ZFYVE1: variants seen among roughly 807,000 people sequenced by gnomAD.
ZFYVE1 encodes zinc finger FYVE-type containing 1.
Under a neutral mutation model 74.4 loss-of-function variants are expected in ZFYVE1, and 30 were observed. The observed-to-expected ratio is 0.40, with a 90% CI of 0.30 to 0.55. ZFYVE1 has a LOEUF of 0.55. Among genes scored for constraint, ZFYVE1 ranks in the 20% least tolerant of loss-of-function variants. The probability of loss-of-function intolerance (pLI) is 0.42; values close to 1 mark genes in which losing one functional copy is unlikely to be tolerated. For synonymous variants in ZFYVE1, 335 were observed against 385.1 expected (o/e 0.87, Z 1.52); for missense variants, 703 against 1,011.6 (o/e 0.69, Z 4.14).
chr14:73,019,388 C>T (rs1213831645), intron 2 of ZFYVE1, among the ~76,000 whole-genome samples: 1 of 150,338 alleles, frequency 6.7e-6, no homozygotes, highest in Non-Finnish European at 1.5e-5. Flanking sequence ...TCAACGCCAG[C>T]CTGGGCAACA....
Position 72,981,897 on chromosome 14 carries a change from T to C in ZFYVE1, c.1204-2A>G. 1.9e-6 allele frequency: 3 copies of C among 1,613,830 alleles called. No homozygotes were observed. The highest frequency in any genetic ancestry group is 2.5e-6 in the Non-Finnish European group (3 of 1,179,974). The stretch of plus-strand genomic sequence containing the variant: ...ACCGCTGAAGCGGTCACTTAGTGCC[T>C]GCCAAGGAGGGAAGGTGACATATGA... On this transcript the variant is annotated splice_acceptor_variant, in intron 4 of 11. Coordinates refer to ENST00000556143, the MANE Select transcript of ZFYVE1 (RefSeq NM_021260.4). LOFTEE classifies it high-confidence loss of function.
chr14:72,972,777 G>A (rs1284743911), intron 11 of ZFYVE1, among the ~76,000 whole-genome samples: 3 of 149,654 alleles, frequency 2.0e-5, no homozygotes, highest in South Asian at 2.1e-4. Flanking sequence ...GTGCGATCTC[G>A]CCTCACTGCA....
At chr14:72,994,013 C>CA (rs59059738) in intron 3 of ZFYVE1, among the ~76,000 whole-genome samples, 8,894 of 56,738 alleles carry the variant, frequency 0.16, 1,121 homozygotes, top group African/African-American at 0.39. Context: ...GATTCCGTCT[C>CA]AAAAAAAAAA....
chr14:73,025,415 G>C (rs1307451302), intron 1 of ZFYVE1, among the ~76,000 whole-genome samples: 1 of 151,650 alleles, frequency 6.6e-6, no homozygotes, highest in Non-Finnish European at 1.5e-5. Context: ...TTGTTGTATA[G>C]CCAGGCGCAG....
At chr14:72,982,655 A>C (rs1417582744) in intron 4 of ZFYVE1, among the ~76,000 whole-genome samples, 2 of 152,232 alleles carry the variant, frequency 1.3e-5, no homozygotes, top group African/African-American at 2.4e-5. Context: ...CACTAAGCAC[A>C]TGCTGCTCCA....
In ZFYVE1 at chr14:72,983,174, CT is replaced by C. The variant is rs1402288894; in HGVS notation, c.1204-1280del. ...AATTAGAACTTCTTATGCAAGGTTCCTTTTCCTGTTTCCAATGCAGTCTTTT... is the reference window on the plus strand; with the variant it reads ...AATTAGAACTTCTTATGCAAGGTTCCTTTCCTGTTTCCAATGCAGTCTTTT... On this transcript the variant is annotated intron_variant, in intron 4 of 11. Transcript: ENST00000556143. Among the ~76,000 whole-genome samples, 5 of 151,710 alleles carry C rather than the reference CT, an allele frequency of 3.3e-5. No individual in the cohort carries two copies. In the East Asian group the frequency reaches 7.7e-4, roughly 23 times the overall value.
At chr14:73,000,668 A>T (rs191091081) in intron 2 of ZFYVE1, among the ~76,000 whole-genome samples, 4 of 152,164 alleles carry the variant, frequency 2.6e-5, no homozygotes, top group Non-Finnish European at 4.4e-5. Flanking sequence ...ATGTTCATGC[A>T]CTTCTGGTGG....
chr14:72,994,643 G>A (rs1315692258), intron 3 of ZFYVE1, among the ~76,000 whole-genome samples: 1 of 152,088 alleles, frequency 6.6e-6, no homozygotes, highest in African/African-American at 2.4e-5. Context: ...AAGCATAAAA[G>A]GAAAGAAATT....
In ZFYVE1 at chr14:73,024,834, G is replaced by A. The variant is rs747392183; in HGVS notation, c.-326C>T. ...TCTGAGAGAGGTCTGATGGGTTCAC[G>A]GTGGTGGGTTCATCGGTTGGACATC... On this transcript the variant is annotated 5_prime_UTR_variant, in exon 2 of 12. Coordinates refer to ENST00000556143, the MANE Select transcript of ZFYVE1 (RefSeq NM_021260.4). The A allele has an allele frequency of 9.1e-5, 20 of 219,144 alleles. No homozygotes were observed. The highest frequency in any genetic ancestry group is 1.5e-4 in the Non-Finnish European group (17 of 112,208). The allele number at this position is 219,144 out of a possible 1,614,324, so 13.6% of individuals were successfully genotyped here.
chr14:72,992,221 C>T (rs56282258), intron 4 of ZFYVE1, among the ~76,000 whole-genome samples: 45,640 of 151,910 alleles, frequency 0.3, 7,260 homozygotes, highest in Middle Eastern at 0.39. Flanking sequence ...AAATCTCCCT[C>T]TTAAAGAAAG....
chr14:72,974,536 T>C (rs1213096254), intron 10 of ZFYVE1, among the ~76,000 whole-genome samples: 1 of 152,240 alleles, frequency 6.6e-6, no homozygotes, highest in Non-Finnish European at 1.5e-5. Context: ...TCAGTTGCTA[T>C]GTGCGCATTC....
At chr14:72,979,481 G>A (rs538731008) in intron 5 of ZFYVE1, among the ~76,000 whole-genome samples, 8 of 151,582 alleles carry the variant, frequency 5.3e-5, no homozygotes, top group East Asian at 3.9e-4. Context: ...GAGAAACCCC[G>A]TCTCTACTAA....
chr14:72,982,428 A>T (rs761070869), intron 4 of ZFYVE1, among the ~76,000 whole-genome samples: 1 of 152,196 alleles, frequency 6.6e-6, no homozygotes, highest in African/African-American at 2.4e-5. Flanking sequence ...AGTGTTTGCC[A>T]GTCATTTATC....
rs1349939407 is a variant in ZFYVE1, at chr14:72,993,063, C to A, written c.1203+80G>T. 5 of 1,388,430 alleles carry A rather than the reference C, an allele frequency of 3.6e-6. No homozygotes were observed. In the African/African-American group the frequency reaches 4.3e-5, roughly 12 times the overall value. The allele number at this position is 1,388,430 out of a possible 1,614,324, so 86.0% of individuals were successfully genotyped here. On this transcript the variant is annotated intron_variant, in intron 4 of 11. Coordinates refer to ENST00000556143, the MANE Select transcript of ZFYVE1 (RefSeq NM_021260.4). The stretch of plus-strand genomic sequence containing the variant: ...CCACCCAGATTTCCAATCACCAGCA[C>A]CACAAAAGCTGGCGAACTGAGTGTT...
chr14:72,977,414 T>C (rs1893203975), intron 8 of ZFYVE1, among the ~76,000 whole-genome samples: 2 of 150,152 alleles, frequency 1.3e-5, no homozygotes, highest in Admixed American at 1.3e-4. Context: ...AAACTCCGTC[T>C]CAAAAAAAAA....
chr14:73,003,986 G>GTCA (rs1262337987), intron 2 of ZFYVE1, among the ~76,000 whole-genome samples: 8 of 152,100 alleles, frequency 5.3e-5, no homozygotes, highest in African/African-American at 1.9e-4. Context: ...AGGTACCCAG[G>GTCA]TACCTTAAAC....
Position 72,993,248 on chromosome 14 carries a change from G to GT in ZFYVE1, c.1097dup (p.Asn366LysfsTer20). 1 of 1,613,884 alleles carries GT rather than the reference G, an allele frequency of 6.2e-7. No homozygotes were observed. On this transcript the variant is annotated frameshift_variant, in exon 4 of 12. Coordinates refer to ENST00000556143, the MANE Select transcript of ZFYVE1 (RefSeq NM_021260.4). LOFTEE classifies it high-confidence loss of function. ...GAAGCCCAGAAAAGTCCGTGGGAGG[G>GT]TTGTAAGTCCTCGTTCCCTTGTAGT...
chr14:73,006,992 G>A (rs1893994684), intron 2 of ZFYVE1, among the ~76,000 whole-genome samples: 1 of 151,916 alleles, frequency 6.6e-6, no homozygotes, highest in Admixed American at 6.6e-5. Context: ...GGATTACAGG[G>A]ATAAGCCACT....
In ZFYVE1 at chr14:73,016,296, G is replaced by T. The variant is rs536847534; in HGVS notation, c.483+7730C>A. On this transcript the variant is annotated intron_variant, in intron 2 of 11. Coordinates refer to ENST00000556143, the MANE Select transcript of ZFYVE1 (RefSeq NM_021260.4). ...GGAGGCCAAGGCAGGCGGATCACAA[G>T]GTCAGGTGATCAAGACCATCCTGGA... 1.7e-3 allele frequency among the ~76,000 whole-genome samples: 260 copies of T among 152,298 alleles called. 2 individuals carry two copies. The highest frequency in any genetic ancestry group is 5.7e-3 in the African/African-American group (239 of 41,572).
Sources: allele counts gnomAD v4.1 joint callset (sites outside exome capture counted in the v4.1 genomes callset), GRCh38; gene constraint gnomAD v4.1.1; transcripts MANE v1.5; gene names NCBI Gene and HGNC (gene_info 2026-07-23, HGNC 2026-07-21).